The following TMC1 variants were observed in gnomAD, a reference collection of about 807,000 sequenced individuals.
The protein encoded by TMC1 is transmembrane channel-like protein 1.
In TMC1, 84 loss-of-function variants were observed where a neutral mutation model predicts 105.8. That is an observed-to-expected ratio of 0.79 (90% CI 0.67 to 0.95). The LOEUF is 0.95. Ranked by LOEUF, TMC1 falls within the 40% of genes least tolerant of loss-of-function variation. The pLI is 0.00. For missense variants in TMC1, 817 were observed against 914.1 expected (o/e 0.89, Z 1.37); for synonymous variants, 315 against 311.5 (o/e 1.01, Z -0.12).
chr9:72,707,545 G>A (rs866440082), intron 8 of TMC1, among the ~76,000 whole-genome samples: 43 of 152,024 alleles, frequency 2.8e-4, no homozygotes, highest in African/African-American at 4.1e-4. Flanking sequence ...TTTTTTGGTC[G>A]TTTGTATATC....
chr9:72,815,577 T>C (rs1588097570), intron 18 of TMC1, among the ~76,000 whole-genome samples: 2 of 152,208 alleles, frequency 1.3e-5, no homozygotes, highest in South Asian at 4.1e-4. Context: ...AGTTGATTAA[T>C]GTGTGGCTTT....
At chr9:72,572,495 G>A (rs1824306300) in intron 1 of TMC1, among the ~76,000 whole-genome samples, 1 of 152,118 alleles carries the variant, frequency 6.6e-6, no homozygotes, top group African/African-American at 2.4e-5. Context: ...GGTACTATGG[G>A]CAGTATCCTT....
intron 1 of TMC1, among the ~76,000 whole-genome samples, chr9:72,570,176 GT>G (rs1160329329): frequency 6.6e-6 from 1 of 151,312 alleles, no homozygotes; most frequent in Non-Finnish European, 1.5e-5. Context: ...CGTAACTGCA[GT>G]TTTTTTCTTT....
intron 2 of TMC1, among the ~76,000 whole-genome samples, chr9:72,580,862 C>A (rs1262499665): frequency 6.6e-6 from 1 of 152,110 alleles, no homozygotes; most frequent in Admixed American, 6.6e-5. Context: ...TAACACAACA[C>A]CTCTTCAAAA....
chr9:72,607,002 T>TATATATATAGAGAGAG (rs372785242), intron 2 of TMC1, among the ~76,000 whole-genome samples: 8 of 134,970 alleles, frequency 5.9e-5, no homozygotes, highest in African/African-American at 2.0e-4. Context: ...TATATATATA[T>TATATATATAGAGAGAG]AGAGAGAGAG....
chr9:72,628,123 T>C (rs1825383091), intron 4 of TMC1, 60 bp downstream of exon 4: 2 of 454,900 alleles, frequency 4.4e-6, no homozygotes, highest in African/African-American at 4.0e-5. Flanking sequence ...TACTGGCCTT[T>C]CACATGCTAT....
intron 1 of TMC1, among the ~76,000 whole-genome samples, chr9:72,573,320 AT>A (rs1198791383): frequency 3.3e-5 from 5 of 152,208 alleles, no homozygotes; most frequent in Non-Finnish European, 7.3e-5. Flanking sequence ...CTAATTCAGA[AT>A]AAAGAACTAT....
At chr9:72,723,609 A>G (rs951717447) in intron 8 of TMC1, among the ~76,000 whole-genome samples, 6 of 152,218 alleles carry the variant, frequency 3.9e-5, no homozygotes, top group African/African-American at 9.6e-5. Context: ...AACTTTACCA[A>G]TGCCTTTCAA....
intron 17 of TMC1, among the ~76,000 whole-genome samples, chr9:72,805,098 G>A (rs755772942): frequency 4.6e-5 from 7 of 152,242 alleles, no homozygotes; most frequent in Non-Finnish European, 1.0e-4. Context: ...TTAAACTGCT[G>A]TGTGGCCAAT....
chr9:72,555,973 C>CAAAAAAAAAAAAAAAAAAAA lies in TMC1; in HGVS notation c.-427-21917_-427-21898dup, dbSNP rs59431883. ...CAGGAAAACCAATCTATGACTAAGG[C>CAAAAAAAAAAAAAAAAAAAA]AAAAAAAAAAAAAAAAAAAAAAAAA... On this transcript the variant is annotated intron_variant, in intron 1 of 23. Coordinates refer to ENST00000297784, the MANE Select transcript of TMC1 (RefSeq NM_138691.3). 7.0e-5 allele frequency among the ~76,000 whole-genome samples: 3 copies of CAAAAAAAAAAAAAAAAAAAA among 42,566 alleles called. 1 individual carries two copies. The highest frequency in any genetic ancestry group is 2.9e-4 in the African/African-American group (3 of 10,470). 27.9% of individuals were successfully genotyped at this position (42,566 alleles called of 152,430 possible).
At chr9:72,555,266 G>A (rs1823911573) in intron 1 of TMC1, among the ~76,000 whole-genome samples, 1 of 145,816 alleles carries the variant, frequency 6.9e-6, no homozygotes, top group Non-Finnish European at 1.5e-5. Context: ...CACGTTCTCC[G>A]CTCACAGCAA....
chr9:72,727,508 A>C (rs186358994), intron 8 of TMC1, among the ~76,000 whole-genome samples: 181 of 152,140 alleles, frequency 1.2e-3, no homozygotes, highest in African/African-American at 4.1e-3. Context: ...GGTCCTCCTC[A>C]TAGCTATGTA....
At chr9:72,609,179 C>CCCTTCCCTTCCTT (rs1824979159) in intron 2 of TMC1, among the ~76,000 whole-genome samples, 1 of 136,058 alleles carries the variant, frequency 7.3e-6, no homozygotes, top group African/African-American at 2.9e-5. Flanking sequence ...CTTCCTCCTT[C>CCCTTCCCTTCCTT]CCTTCCTTCC....
rs796128354 is a variant in TMC1 at position 72,620,487 on chromosome 9, G to A, written c.-196+4010G>A. 2.0e-5 allele frequency among the ~76,000 whole-genome samples: 3 copies of A among 152,042 alleles called. No homozygotes were observed. In the South Asian group the frequency reaches 6.2e-4, roughly 31 times the overall value. On this transcript the variant is annotated intron_variant, in intron 3 of 23. Coordinates refer to ENST00000297784, the MANE Select transcript of TMC1 (RefSeq NM_138691.3). ...GCTGATCTTGAATGCCTGGACTCAAGTGATCCTCCTACCTCAGCCTCTCAA... is the reference window on the plus strand; with the variant it reads ...GCTGATCTTGAATGCCTGGACTCAAATGATCCTCCTACCTCAGCCTCTCAA...
intron 2 of TMC1, among the ~76,000 whole-genome samples, chr9:72,580,053 G>C (rs1463387463): frequency 2.0e-5 from 3 of 152,178 alleles, no homozygotes; most frequent in Non-Finnish European, 4.4e-5. Context: ...AGCATCTACA[G>C]CTTTGCTATT....
intron 2 of TMC1, among the ~76,000 whole-genome samples, chr9:72,615,129 T>C (rs1825105854): frequency 6.6e-6 from 1 of 152,242 alleles, no homozygotes; most frequent in African/African-American, 2.4e-5. Flanking sequence ...TAAGCCAGTA[T>C]GTTAAATACA....
At chr9:72,551,385 CA>C in intron 1 of TMC1, among the ~76,000 whole-genome samples, 1 of 152,278 alleles carries the variant, frequency 6.6e-6, no homozygotes, top group Admixed American at 6.5e-5. Flanking sequence ...ACAAAAAATA[CA>C]GAAACAAAGC....
Position 72,805,292 on chromosome 9 carries a change from A to C in TMC1, c.1567-90A>C, listed in dbSNP as rs1311306940. 4 of 1,454,118 alleles carry C rather than the reference A, an allele frequency of 2.8e-6. No homozygotes were observed. The East Asian group carries it at 6.9e-5, about 25-fold the overall frequency. The allele number at this position is 1,454,118 out of a possible 1,614,324, so 90.1% of individuals were successfully genotyped here. ...CATTAATTGCAGTCTTCAAGCCAAT[A>C]CTTCTTTAGAAATATGACAGATTTA... On this transcript the variant is annotated intron_variant, in intron 17 of 23. Coordinates refer to ENST00000297784, the MANE Select transcript of TMC1 (RefSeq NM_138691.3).
chr9:72,748,146 G>C (rs968376417), intron 10 of TMC1, among the ~76,000 whole-genome samples: 1 of 152,150 alleles, frequency 6.6e-6, no homozygotes, highest in Non-Finnish European at 1.5e-5. Context: ...GTGGTTAAGA[G>C]AGATCTAGAT....
Sources: allele counts gnomAD v4.1 joint callset (sites outside exome capture counted in the v4.1 genomes callset), GRCh38; gene constraint gnomAD v4.1.1; transcripts MANE v1.5; gene names NCBI Gene and HGNC (gene_info 2026-07-23, HGNC 2026-07-21).